Variants in SLC30A7 observed in about 807,000 individuals in gnomAD.
The protein encoded by SLC30A7 is solute carrier family 30 member 7.
Under a neutral mutation model 46.0 loss-of-function variants are expected in SLC30A7, and 35 were observed. The ratio of observed to expected loss-of-function variants is 0.76; its 90% CI spans 0.58 to 1.01. The LOEUF is 1.01. SLC30A7 is among the 50% of genes least tolerant of loss of function. The probability of loss-of-function intolerance (pLI) is 0.00; values close to 1 mark genes in which losing one functional copy is unlikely to be tolerated. For synonymous variants in SLC30A7, 147 were observed against 157.8 expected, an observed-to-expected ratio of 0.93 and a Z score of 0.51; for missense variants, 464 against 451.1, an observed-to-expected ratio of 1.03 and a Z score of -0.26.
intron 8 of SLC30A7, among the ~76,000 whole-genome samples, chr1:100,943,586 T>C (rs1234006091): frequency 6.6e-6 from 1 of 151,792 alleles, no homozygotes; most frequent in Non-Finnish European, 1.5e-5. Flanking sequence ...TCTTTCTGCA[T>C]GACCAGCCCA....
At chr1:100,981,962 T>G (rs1214756369), downstream of SLC30A7, among the ~76,000 whole-genome samples, 3 of 152,208 alleles carry the variant, frequency 2.0e-5, no homozygotes, top group Non-Finnish European at 4.4e-5. Context: ...TGGCTCTTAG[T>G]CAGCATCTGA....
chr1:100,943,827 AAAC>A (rs1399946528), intron 8 of SLC30A7, among the ~76,000 whole-genome samples: 1 of 152,236 alleles, frequency 6.6e-6, no homozygotes. Context: ...ATTATTAAGA[AAAC>A]AAGATAGCAC....
At chr1:100,921,948 T>TG in intron 8 of SLC30A7, 107 bp downstream of exon 8, 2 of 925,446 alleles carry the variant, frequency 2.2e-6, no homozygotes, top group Non-Finnish European at 3.1e-6. Context: ...TTCCTTTGCT[T>TG]GCTTTTTTTT....
chr1:100,945,540 G>A (rs972556692), intron 8 of SLC30A7, among the ~76,000 whole-genome samples: 1 of 152,172 alleles, frequency 6.6e-6, no homozygotes, highest in African/African-American at 2.4e-5. Context: ...TTATTAAATA[G>A]GGAATCCTTT....
At chr1:100,963,588 A>C (rs139635603) in intron 9 of SLC30A7, among the ~76,000 whole-genome samples, 38 of 152,296 alleles carry the variant, frequency 2.5e-4, no homozygotes, top group African/African-American at 8.2e-4. Context: ...ATGTACTATC[A>C]GGAAAGAGGG....
At chr1:100,955,385 T>C (rs1479859796) in intron 8 of SLC30A7, among the ~76,000 whole-genome samples, 1 of 152,098 alleles carries the variant, frequency 6.6e-6, no homozygotes, top group Non-Finnish European at 1.5e-5. Flanking sequence ...ATGTTTATGA[T>C]TGTAAGATTA....
At chr1:100,963,062 G>A (rs1332468431) in intron 9 of SLC30A7, among the ~76,000 whole-genome samples, 1 of 152,168 alleles carries the variant, frequency 6.6e-6, no homozygotes, top group African/African-American at 2.4e-5. Context: ...AATGGAAATG[G>A]CTACTATACT....
intron 8 of SLC30A7, among the ~76,000 whole-genome samples, chr1:100,939,766 A>G (rs1035265296): frequency 3.2e-4 from 48 of 151,650 alleles, no homozygotes; most frequent in African/African-American, 1.1e-3. Context: ...GGAGAATGGC[A>G]TGAACCCAGG....
intron 8 of SLC30A7, among the ~76,000 whole-genome samples, chr1:100,924,790 T>C (rs1339663162): frequency 6.6e-6 from 1 of 152,114 alleles, no homozygotes; most frequent in African/African-American, 2.4e-5. Flanking sequence ...TACTTAGTTC[T>C]GTTCTCATTC....
intron 7 of SLC30A7, among the ~76,000 whole-genome samples, chr1:100,920,703 A>C (rs12568993): frequency 0.17 from 25,073 of 151,938 alleles, 2,125 homozygotes; most frequent in African/African-American, 0.18. Context: ...GTTTGTATTT[A>C]TATACCTAAA....
the SLC30A7 span, among the ~76,000 whole-genome samples, chr1:100,986,830 G>C: frequency 5.9e-5 from 9 of 152,168 alleles, no homozygotes; most frequent in Non-Finnish European, 1.2e-4. Context: ...AAACCGTTCT[G>C]TATCTAGATT....
the SLC30A7 span, among the ~76,000 whole-genome samples, chr1:100,993,651 A>T: frequency 7.0e-6 from 1 of 143,756 alleles, no homozygotes; most frequent in Non-Finnish European, 1.5e-5. Context: ...GACTCTCAAA[A>T]AAATTCTGTC....
rs539119885 is a variant in SLC30A7 at position 100,961,757 on chromosome 1, A to G, written c.843-71A>G. The G allele has an allele frequency of 1.1e-4, 88 of 820,794 alleles. 1 individual carries two copies. In the East Asian group the frequency reaches 2.3e-3, roughly 22 times the overall value. 50.8% of individuals were successfully genotyped at this position (820,794 alleles called of 1,614,324 possible). The stretch of plus-strand genomic sequence containing the variant: ...ATTATATTCTACCGTAGGGAGGCAT[A>G]TTATTACTTTCTTGCTGGATGGGAT... On this transcript the variant is annotated intron_variant, in intron 8 of 10. Transcript: ENST00000357650.
chr1:100,931,248 A>G (rs1653648177), intron 8 of SLC30A7, among the ~76,000 whole-genome samples: 1 of 152,220 alleles, frequency 6.6e-6, no homozygotes, highest in East Asian at 1.9e-4. Flanking sequence ...ATACAGTATC[A>G]GGTATTAATT....
At chr1:100,942,815 A>G (rs996155942) in intron 8 of SLC30A7, among the ~76,000 whole-genome samples, 1 of 152,196 alleles carries the variant, frequency 6.6e-6, no homozygotes, top group Non-Finnish European at 1.5e-5. Context: ...CTTAGACATG[A>G]TAGTCTGTGT....
chr1:100,920,411 T>C (rs1454067243), intron 7 of SLC30A7, among the ~76,000 whole-genome samples: 1 of 152,074 alleles, frequency 6.6e-6, no homozygotes, highest in African/African-American at 2.4e-5. Flanking sequence ...GAATATTTAT[T>C]CTATAAGTAT....
At chr1:100,904,035 G>A (rs1353082895) in intron 2 of SLC30A7, among the ~76,000 whole-genome samples, 1 of 152,078 alleles carries the variant, frequency 6.6e-6, no homozygotes, top group Non-Finnish European at 1.5e-5. Context: ...TGTGGTAAAT[G>A]TTTCATATAT....
At chr1:100,913,916 T>C in intron 6 of SLC30A7, 110 bp downstream of exon 6, 1 of 1,437,764 alleles carries the variant, frequency 7.0e-7, no homozygotes, top group Non-Finnish European at 9.3e-7. Flanking sequence ...CAACTTCTTT[T>C]CTAATGAATC....
In SLC30A7 at chr1:100,980,296, C is replaced by T. The variant is rs1656849365; in HGVS notation, c.*5439C>T. 6.6e-6 allele frequency: 1 copy of T among 152,100 alleles called. No homozygotes were observed. The highest frequency in any genetic ancestry group is 1.5e-5 in the Non-Finnish European group (1 of 67,966). The allele number at this position is 152,100 out of a possible 1,614,324, so 9.4% of individuals were successfully genotyped here. On this transcript the variant is annotated 3_prime_UTR_variant, in exon 11 of 11. Coordinates refer to ENST00000357650, the MANE Select transcript of SLC30A7 (RefSeq NM_133496.5). ...GAGAAGGATAAGTAGATTTGATTTA[C>T]ATCACATTTTATACACACCTTTCAA... is the stretch of plus-strand genomic sequence containing the variant.
Sources: gnomAD v4.1 joint callset for allele counts (sites outside exome capture counted in the v4.1 genomes callset) on GRCh38, gnomAD v4.1.1 for gene constraint, MANE v1.5 for transcripts, NCBI Gene and HGNC (gene_info 2026-07-23, HGNC 2026-07-21) for gene names.